Variants in PCDH9 observed in about 807,000 individuals in gnomAD.
PCDH9 encodes protocadherin 9.
Under a neutral mutation model 70.6 loss-of-function variants are expected in PCDH9, and 24 were observed. The observed-to-expected ratio is 0.34, with a 90% confidence interval of 0.25 to 0.48. PCDH9 has a LOEUF of 0.48. PCDH9 is among the 20% of genes least tolerant of loss of function. PCDH9 has a pLI of 0.99. For missense variants in PCDH9, 1,281 were observed against 1,503.6 expected, an observed-to-expected ratio of 0.85 and a Z score of 2.45; for synonymous variants, 562 against 558.5, an observed-to-expected ratio of 1.01 and a Z score of -0.09.
At chr13:66,797,321 T>C (rs147853701) in intron 3 of PCDH9, among the ~76,000 whole-genome samples, 122 of 152,298 alleles carry the variant, frequency 8.0e-4, no homozygotes, top group African/African-American at 2.7e-3. Flanking sequence ...TTGGGGTTGA[T>C]AATGATTTAT....
At chr13:66,877,550 T>C (rs992040746) in intron 3 of PCDH9, among the ~76,000 whole-genome samples, 1 of 152,006 alleles carries the variant, frequency 6.6e-6, no homozygotes, top group Admixed American at 6.6e-5. Context: ...CGTTTAGGGG[T>C]TTCCTCTGGG....
At chr13:66,553,130 C>T (rs1961566765) in intron 4 of PCDH9, among the ~76,000 whole-genome samples, 1 of 152,146 alleles carries the variant, frequency 6.6e-6, no homozygotes, top group Admixed American at 6.5e-5. Flanking sequence ...TGGGTGGCGA[C>T]ATAGCCAAAC....
At chr13:67,106,864 A>G (rs2086555677) in intron 2 of PCDH9, among the ~76,000 whole-genome samples, 1 of 152,142 alleles carries the variant, frequency 6.6e-6, no homozygotes, top group South Asian at 2.1e-4. Context: ...AGCTGTTGCA[A>G]CACAGCCCTG....
chr13:66,418,758 T>C (rs1471212675), intron 4 of PCDH9, among the ~76,000 whole-genome samples: 4 of 151,616 alleles, frequency 2.6e-5, no homozygotes, highest in African/African-American at 9.7e-5. Flanking sequence ...CTGAAGGAGA[T>C]AGAGACACAA....
chr13:66,625,633 A>C (rs1338053223), intron 4 of PCDH9, among the ~76,000 whole-genome samples: 1 of 145,066 alleles, frequency 6.9e-6, no homozygotes, highest in Non-Finnish European at 1.5e-5. Context: ...TCCTTTGCCT[A>C]CTCCACTTTT....
At chr13:66,992,868 G>C (rs1330836072) in intron 2 of PCDH9, among the ~76,000 whole-genome samples, 2 of 149,780 alleles carry the variant, frequency 1.3e-5, no homozygotes, top group Non-Finnish European at 3.0e-5. Flanking sequence ...GAGATAAAGA[G>C]TGAAAGTGTT....
At chr13:66,395,626 A>AT (rs35010616) in intron 4 of PCDH9, among the ~76,000 whole-genome samples, 3 of 151,970 alleles carry the variant, frequency 2.0e-5, no homozygotes. Flanking sequence ...AAATAAATAA[A>AT]ATAAAATAAA....
At chr13:67,069,621 C>G (rs60172823) in intron 2 of PCDH9, among the ~76,000 whole-genome samples, 5,697 of 152,204 alleles carry the variant, frequency 0.037, 178 homozygotes, top group South Asian at 0.11. Flanking sequence ...CTTGATCTCA[C>G]GCTAGTGCTT....
At chr13:66,442,491 T>C (rs974986735) in intron 4 of PCDH9, among the ~76,000 whole-genome samples, 3 of 152,104 alleles carry the variant, frequency 2.0e-5, no homozygotes, top group African/African-American at 7.2e-5. Flanking sequence ...AGCATTCTTT[T>C]CATAGAAAAA....
At chr13:66,561,737 A>T (rs1363892279) in intron 4 of PCDH9, among the ~76,000 whole-genome samples, 7 of 152,076 alleles carry the variant, frequency 4.6e-5, no homozygotes, top group African/African-American at 1.7e-4. Flanking sequence ...TGTCTAGCTC[A>T]GGGATTGTAA....
intron 3 of PCDH9, among the ~76,000 whole-genome samples, chr13:66,693,826 C>T (rs944456038): frequency 6.6e-6 from 1 of 152,194 alleles, no homozygotes; most frequent in Non-Finnish European, 1.5e-5. Context: ...GGAAATTGAG[C>T]TTCCATCTGT....
At chr13:66,696,607 C>T (rs915022769) in intron 3 of PCDH9, among the ~76,000 whole-genome samples, 1 of 152,006 alleles carries the variant, frequency 6.6e-6, no homozygotes, top group Non-Finnish European at 1.5e-5. Flanking sequence ...TTTCTAACAG[C>T]AAAACTGGAT....
intron 4 of PCDH9, among the ~76,000 whole-genome samples, chr13:66,358,563 G>A (rs1177581544): frequency 1.3e-5 from 2 of 151,600 alleles, no homozygotes; most frequent in Admixed American, 1.3e-4. Context: ...TTTTTTTCAA[G>A]GTATACATTA....
At chr13:66,483,371 A>G (rs1163015095) in intron 4 of PCDH9, among the ~76,000 whole-genome samples, 1 of 152,158 alleles carries the variant, frequency 6.6e-6, no homozygotes, top group African/African-American at 2.4e-5. Flanking sequence ...GGACAATTGG[A>G]GTGAGAAAAC....
chr13:67,053,231 C>T (rs904947708), intron 2 of PCDH9, among the ~76,000 whole-genome samples: 2 of 152,102 alleles, frequency 1.3e-5, no homozygotes, highest in Admixed American at 6.6e-5. Context: ...TGTAGCAGAG[C>T]TTTGTCCAAA....
intron 2 of PCDH9, among the ~76,000 whole-genome samples, chr13:66,954,964 T>C (rs2083244766): frequency 6.6e-6 from 1 of 152,090 alleles, no homozygotes; most frequent in South Asian, 2.1e-4. Context: ...AGGGTTTCAC[T>C]GTGTTAGCCA....
At chr13:66,495,797 T>C (rs545491533) in intron 4 of PCDH9, among the ~76,000 whole-genome samples, 57 of 152,196 alleles carry the variant, frequency 3.7e-4, no homozygotes, top group Non-Finnish European at 6.0e-4. Context: ...CACTGCACAC[T>C]AATTCTTGCT....
intron 3 of PCDH9, among the ~76,000 whole-genome samples, chr13:66,635,449 C>T (rs1012606909): frequency 6.6e-6 from 1 of 152,096 alleles, no homozygotes; most frequent in African/African-American, 2.4e-5. Flanking sequence ...AGAAATTCTA[C>T]TCTACACAAT....
chr13:67,124,682 G>T (rs1292038309), intron 2 of PCDH9, among the ~76,000 whole-genome samples: 1 of 152,074 alleles, frequency 6.6e-6, no homozygotes. Context: ...CCTTCTTGTG[G>T]CATTATTGTT....
Sources: gnomAD v4.1 joint callset for allele counts (sites outside exome capture counted in the v4.1 genomes callset) on GRCh38, gnomAD v4.1.1 for gene constraint, MANE v1.5 for transcripts, NCBI Gene and HGNC (gene_info 2026-07-23, HGNC 2026-07-21) for gene names.